Variants in COL6A6 observed in about 807,000 individuals in gnomAD.
COL6A6 encodes collagen alpha-6(VI) chain.
COL6A6 carries 183 observed loss-of-function variants against 208.6 expected under a neutral mutation model. That is an observed-to-expected ratio of 0.88 (90% CI 0.78 to 0.99). The LOEUF (loss-of-function observed/expected upper bound fraction) is 0.99, where lower values mean the gene tolerates loss of function less well. Ranked by LOEUF, COL6A6 falls within the 50% of genes least tolerant of loss-of-function variation. COL6A6 has a pLI of 0.00. For missense variants in COL6A6, 2,816 were observed against 2,815.2 expected, an observed-to-expected ratio of 1.00 and a Z score of -0.01; for synonymous variants, 973 against 1,011.8, an observed-to-expected ratio of 0.96 and a Z score of 0.73.
chr3:130,575,982 C>T (rs533682641), intron 8 of COL6A6, among the ~76,000 whole-genome samples: 46 of 152,250 alleles, frequency 3.0e-4, no homozygotes, highest in African/African-American at 1.1e-3. Context: ...CTGATGCCTC[C>T]AGCTTTGTTC....
chr3:130,559,160 CATT>C (rs1425186412), intron 1 of COL6A6, among the ~76,000 whole-genome samples: 2 of 152,204 alleles, frequency 1.3e-5, no homozygotes, highest in African/African-American at 4.8e-5. Context: ...TTGTTATACA[CATT>C]AATAAAAATT....
chr3:130,570,870 C>T lies in COL6A6; in HGVS notation c.2454C>T (p.Gly818=). 4 of 1,613,814 alleles carry T rather than the reference C, an allele frequency of 2.5e-6. No homozygotes were observed. The South Asian group carries it at 4.4e-5, about 18-fold the overall frequency. Reference sequence around the variant, plus strand: ...TTGTGTTTGTCATTGATAGCTCTGGCAGTATTGACTATGATGAGTATAATA... The same window carrying T: ...TTGTGTTTGTCATTGATAGCTCTGGTAGTATTGACTATGATGAGTATAATA... ...LDVVFVIDSS[G]SIDYDEYNIM... The change falls in exon 7 of 37, where the codon GGC becomes GGT. Residue 818 remains glycine (G), a synonymous_variant. Transcript: ENST00000358511.
At chr3:130,613,131 G>T (rs1259902889) in intron 23 of COL6A6, among the ~76,000 whole-genome samples, 1 of 152,124 alleles carries the variant, frequency 6.6e-6, no homozygotes, top group Non-Finnish European at 1.5e-5. Context: ...ATCCTCCAGG[G>T]TTTTTATGCT....
chr3:130,611,210 T>C (rs1201676024), intron 23 of COL6A6, among the ~76,000 whole-genome samples: 1 of 152,164 alleles, frequency 6.6e-6, no homozygotes, highest in East Asian at 1.9e-4. Context: ...GAATGACTGC[T>C]CTGCATTAGC....
At chr3:130,567,861 T>C (rs2063066572) in intron 5 of COL6A6, among the ~76,000 whole-genome samples, 186 bp from the exon 6 acceptor site, 1 of 152,224 alleles carries the variant, frequency 6.6e-6, no homozygotes, top group African/African-American at 2.4e-5. Flanking sequence ...AGTTATGTAT[T>C]TAAGCAAGTT....
chr3:130,613,896 C>T (rs2064433341), intron 23 of COL6A6, among the ~76,000 whole-genome samples: 2 of 152,270 alleles, frequency 1.3e-5, no homozygotes, highest in East Asian at 3.9e-4. Context: ...AGTTGTTTAT[C>T]AGATCAAGGA....
intron 32 of COL6A6, 51 bp from the exon 33 acceptor site, chr3:130,649,018 T>C (rs1195800217): frequency 8.5e-7 from 1 of 1,181,314 alleles, no homozygotes; most frequent in African/African-American, 1.6e-5. Flanking sequence ...CTATGTATCT[T>C]TTTTTTTTTT....
At chr3:130,569,216 C>G (rs972112349) in intron 6 of COL6A6, among the ~76,000 whole-genome samples, 6 of 152,118 alleles carry the variant, frequency 3.9e-5, no homozygotes, top group African/African-American at 9.7e-5. Context: ...TTCTAAAGAC[C>G]AATACTTGTA....
chr3:130,605,774 T>TCA (rs1257640494), intron 20 of COL6A6, among the ~76,000 whole-genome samples: 1 of 150,908 alleles, frequency 6.6e-6, no homozygotes, highest in Non-Finnish European at 1.5e-5. Flanking sequence ...TTTAATGGAC[T>TCA]CACAGTTCCA....
intron 1 of COL6A6, among the ~76,000 whole-genome samples, chr3:130,530,654 G>A (rs1368075911): frequency 6.6e-6 from 1 of 152,172 alleles, no homozygotes; most frequent in Non-Finnish European, 1.5e-5. Flanking sequence ...TAATATGTTA[G>A]GGTGCTTAAC....
chr3:130,624,870 C>A (rs2064837446), intron 24 of COL6A6, among the ~76,000 whole-genome samples: 2 of 152,290 alleles, frequency 1.3e-5, no homozygotes, highest in Non-Finnish European at 2.9e-5. Context: ...CTTACCCCTA[C>A]CTTACTCCAG....
chr3:130,563,626 A>T lies in COL6A6; in HGVS notation c.623A>T (p.Lys208Met). ...NMTHIIKDVI[K>M]YKEGAVDDIF... is the part of the protein sequence containing the mutation. ...ACACACATCATCAAGGATGTAATAA[A>T]GTACAAGGAGGGAGCAGTTGATGAC... Residue 208 changes from lysine (K) to methionine (M), a missense_variant, in exon 3 of 37, where the codon AAG becomes ATG. Lys to Met is a moderately conservative substitution (Grantham distance 95, BLOSUM62 -1). Transcript: ENST00000358511. The T allele has an allele frequency of 6.2e-7, 1 of 1,613,652 alleles. No individual in the cohort carries two copies. The highest frequency in any genetic ancestry group is 1.1e-5 in the South Asian group (1 of 91,072).
intron 20 of COL6A6, among the ~76,000 whole-genome samples, chr3:130,604,260 C>T (rs190965397): frequency 2.0e-5 from 3 of 151,782 alleles, no homozygotes; most frequent in Admixed American, 2.0e-4. Flanking sequence ...TTGGGAGGCT[C>T]AGGCGGGCGG....
At chr3:130,641,756 T>A in intron 29 of COL6A6, 42 bp downstream of exon 29, 2 of 986,184 alleles carry the variant, frequency 2.0e-6, no homozygotes, top group Non-Finnish European at 2.9e-6. Context: ...CCTTTTCCAT[T>A]AAAAAAAAAA....
At chr3:130,592,355 G>T (rs2063737935) in intron 13 of COL6A6, among the ~76,000 whole-genome samples, 186 bp from the exon 14 acceptor site, 1 of 152,206 alleles carries the variant, frequency 6.6e-6, no homozygotes, top group Non-Finnish European at 1.5e-5. Flanking sequence ...GGGATCCAAA[G>T]CAAAGGGCTG....
At chr3:130,591,536 A>G (rs930442040) in intron 13 of COL6A6, among the ~76,000 whole-genome samples, 6 of 152,216 alleles carry the variant, frequency 3.9e-5, no homozygotes, top group South Asian at 2.1e-4. Context: ...TTATTTTATC[A>G]AAGACCTCAC....
Position 130,565,089 on chromosome 3 carries a change from G to A in COL6A6, c.757G>A (p.Glu253Lys). 1 of 1,613,994 alleles carries A rather than the reference G, an allele frequency of 6.2e-7. No homozygotes were observed. The highest frequency in any genetic ancestry group is 8.5e-7 in the Non-Finnish European group (1 of 1,179,872). The change falls in exon 4 of 37, where the codon GAA (glutamate) becomes AAA (lysine). Residue 253 changes from glutamate to lysine, a missense_variant. Transcript: ENST00000358511. ...CTTTGACTATCTTAAAGGATTCTTGGAAGAAAGTGTATCTGCCCTTGACAT... is the reference window on the plus strand; with the variant it reads ...CTTTGACTATCTTAAAGGATTCTTGAAAGAAAGTGTATCTGCCCTTGACAT... ...ENFDYLKGFL[E>K]ESVSALDIKE... is the part of the protein sequence containing the mutation.
rs17748727 is a variant in COL6A6 at position 130,675,842 on chromosome 3, T to C, written c.*445T>C. The C allele has an allele frequency of 0.22, 33,406 of 152,628 alleles. 3,875 individuals are homozygous for C. Among genetic ancestry groups the C allele is most frequent in the South Asian group, 0.36 (1,725 of 4,834 alleles). The allele number at this position is 152,628 out of a possible 1,614,324, so 9.5% of individuals were successfully genotyped here. A position where few individuals can be genotyped will look rare whatever the true frequency, so the allele number is the denominator to read the frequency against. On this transcript the variant is annotated 3_prime_UTR_variant, in exon 37 of 37. Coordinates refer to ENST00000358511, the MANE Select transcript of COL6A6 (RefSeq NM_001102608.3). The stretch of plus-strand genomic sequence containing the variant: ...ATGTTTTAAGCTACTCCAAAATTTA[T>C]CCTAGAAATGGATGCTGTTTATATG...
Position 130,634,631 on chromosome 3 carries a change from G to C in COL6A6, c.5028+6G>C. On this transcript the variant is annotated splice_donor_region_variant and intron_variant, in intron 27 of 36. Transcript: ENST00000358511. ...CTGGAGAAAGTGGACCTAAGGTACCGTGTGCTTCCTAGTAACTAGAGATCA... is the reference window on the plus strand; with the variant it reads ...CTGGAGAAAGTGGACCTAAGGTACCCTGTGCTTCCTAGTAACTAGAGATCA... The C allele has an allele frequency of 6.2e-7, 1 of 1,603,834 alleles. No homozygotes were observed. Among genetic ancestry groups the C allele is most frequent in the Non-Finnish European group, 8.5e-7 (1 of 1,173,970 alleles).
Sources: gnomAD v4.1 joint callset for allele counts (sites outside exome capture counted in the v4.1 genomes callset) on GRCh38, gnomAD v4.1.1 for gene constraint, MANE v1.5 for transcripts, NCBI Gene and HGNC (gene_info 2026-07-23, HGNC 2026-07-21) for gene names.